Variants in C1GALT1 observed in about 807,000 individuals in gnomAD.
The protein encoded by C1GALT1 is glycoprotein-N-acetylgalactosamine 3-beta-galactosyltransferase 1.
Under a neutral mutation model 31.0 loss-of-function variants are expected in C1GALT1, and 11 were observed. The ratio of observed to expected loss-of-function variants is 0.36; its 90% confidence interval spans 0.22 to 0.59. The LOEUF is 0.59. Ranked by LOEUF, C1GALT1 falls within the 20% of genes least tolerant of loss-of-function variation. C1GALT1 has a pLI of 0.79. For missense variants in C1GALT1, 424 were observed against 425.2 expected, an observed-to-expected ratio of 1.00 and a Z score of 0.03; for synonymous variants, 175 against 143.6, an observed-to-expected ratio of 1.22 and a Z score of -1.56.
At chr7:7,227,270 C>T (rs1782808510) in intron 1 of C1GALT1, among the ~76,000 whole-genome samples, 1 of 152,168 alleles carries the variant, frequency 6.6e-6, no homozygotes, top group African/African-American at 2.4e-5. Flanking sequence ...CTCTAAAACT[C>T]ATGTTGAAAT....
chr7:7,193,143 T>C (rs1781145886), intron 1 of C1GALT1, among the ~76,000 whole-genome samples: 1 of 152,192 alleles, frequency 6.6e-6, no homozygotes. Flanking sequence ...GTGCAGAATC[T>C]TTTTAGTTTA....
chr7:7,218,513 T>C (rs958046699), intron 1 of C1GALT1, among the ~76,000 whole-genome samples: 1 of 152,058 alleles, frequency 6.6e-6, no homozygotes, highest in African/African-American at 2.4e-5. Flanking sequence ...TGGAGCAACG[T>C]AGAGATATTA....
At chr7:7,207,269 T>A (rs1005527949) in intron 1 of C1GALT1, among the ~76,000 whole-genome samples, 4 of 151,428 alleles carry the variant, frequency 2.6e-5, no homozygotes, top group African/African-American at 7.3e-5. Flanking sequence ...ATTGTACTTT[T>A]CGGCTTCAGA....
At chr7:7,158,450 G>A (rs1228745617) in intron 2 of C1GALT1, among the ~76,000 whole-genome samples, 2 of 152,046 alleles carry the variant, frequency 1.3e-5, no homozygotes, top group Non-Finnish European at 2.9e-5. Context: ...CACGTGGCCC[G>A]AGTCAGCTGT....
intron 1 of C1GALT1, among the ~76,000 whole-genome samples, chr7:7,200,048 T>C (rs1341694946): frequency 6.6e-6 from 1 of 152,254 alleles, no homozygotes; most frequent in African/African-American, 2.4e-5. Flanking sequence ...ACATTTAAAG[T>C]TAATACTGTT....
intron 3 of C1GALT1, among the ~76,000 whole-genome samples, chr7:7,239,653 T>C (rs1197041810): frequency 6.6e-6 from 1 of 152,178 alleles, no homozygotes; most frequent in Non-Finnish European, 1.5e-5. Flanking sequence ...AAGCCTTGGC[T>C]CACATTCCTG....
At chr7:7,226,682 G>A (rs998471320) in intron 1 of C1GALT1, among the ~76,000 whole-genome samples, 9 of 151,876 alleles carry the variant, frequency 5.9e-5, no homozygotes, top group East Asian at 1.9e-4. Context: ...ACCGATTAGC[G>A]CCATTAAAAA....
At chr7:7,162,873 T>C (rs58312172) in intron 2 of C1GALT1, among the ~76,000 whole-genome samples, 3,294 of 152,304 alleles carry the variant, frequency 0.022, 117 homozygotes, top group African/African-American at 0.075. Flanking sequence ...CCAGCGATGG[T>C]GAGCATTTTT....
At chr7:7,205,175 C>G (rs184650481) in intron 1 of C1GALT1, among the ~76,000 whole-genome samples, 153 of 152,084 alleles carry the variant, frequency 1.0e-3, no homozygotes, top group African/African-American at 3.5e-3. Context: ...TTGGTTCGTT[C>G]ATCTCAGTGG....
chr7:7,217,666 C>G (rs1406610144), intron 1 of C1GALT1, among the ~76,000 whole-genome samples: 1 of 152,114 alleles, frequency 6.6e-6, no homozygotes, highest in Non-Finnish European at 1.5e-5. Context: ...AGAAGCAGTT[C>G]TTTTGTTTTT....
Position 7,243,841 on chromosome 7 carries a change from C to T in C1GALT1, c.*114C>T, listed in dbSNP as rs146864914. The T allele has an allele frequency of 7.4e-4, 537 of 724,584 alleles. No individual in the cohort carries two copies. The highest frequency in any genetic ancestry group is 7.3e-3 in the African/African-American group (412 of 56,208). The allele number at this position is 724,584 out of a possible 1,614,324, so 44.9% of individuals were successfully genotyped here. Reference sequence around the variant, plus strand: ...AGTGAGGAATTCTAAGTGAACATTCCTTATAGAAACCTTTCACATGAATGA... The same window carrying T: ...AGTGAGGAATTCTAAGTGAACATTCTTTATAGAAACCTTTCACATGAATGA... On this transcript the variant is annotated 3_prime_UTR_variant, in exon 4 of 4. Transcript: ENST00000436587.
intron 1 of C1GALT1, among the ~76,000 whole-genome samples, chr7:7,199,045 G>T (rs191181730): frequency 1.2e-3 from 177 of 152,082 alleles, no homozygotes; most frequent in African/African-American, 4.0e-3. Context: ...CTTCAGTTCT[G>T]CTCTGACCTT....
intron 1 of C1GALT1, among the ~76,000 whole-genome samples, chr7:7,188,507 A>T (rs1299729830): frequency 6.6e-6 from 1 of 152,188 alleles, no homozygotes; most frequent in African/African-American, 2.4e-5. Context: ...TCTGTAGATA[A>T]AAATTGCCTC....
chr7:7,219,009 A>AT (rs370927244), intron 1 of C1GALT1, among the ~76,000 whole-genome samples: 4,089 of 149,794 alleles, frequency 0.027, 86 homozygotes, highest in Non-Finnish European at 0.037. Context: ...AATTTTTTGT[A>AT]TTTTTTTTTA....
At chr7:7,183,498 TA>T in intron 1 of C1GALT1, 3 of 808,386 alleles carry the variant, frequency 3.7e-6, no homozygotes, top group Non-Finnish European at 4.5e-6. Flanking sequence ...AGAAAGGCAT[TA>T]AATTTTTTTT....
chr7:7,198,842 C>G (rs1281300916), intron 1 of C1GALT1, among the ~76,000 whole-genome samples: 1 of 152,196 alleles, frequency 6.6e-6, no homozygotes, highest in Non-Finnish European at 1.5e-5. Context: ...ATAGTATTCT[C>G]TGATGGTAGT....
intron 1 of C1GALT1, among the ~76,000 whole-genome samples, chr7:7,209,083 C>G (rs1169418555): frequency 6.6e-6 from 1 of 152,196 alleles, no homozygotes; most frequent in Admixed American, 6.5e-5. Context: ...TTCTTCGTAT[C>G]TCACAACACA....
chr7:7,216,783 A>G (rs1299980930), intron 1 of C1GALT1, among the ~76,000 whole-genome samples: 1 of 152,220 alleles, frequency 6.6e-6, no homozygotes, highest in Non-Finnish European at 1.5e-5. Context: ...AAGACATTTT[A>G]CTGCTAACTT....
chr7:7,182,880 C>A (rs968493387), intron 1 of C1GALT1, 60 bp downstream of exon 1: 1 of 978,468 alleles, frequency 1.0e-6, no homozygotes. Flanking sequence ...CCCTCGCCCT[C>A]CCCCCTCTCC....
Sources: allele counts gnomAD v4.1 joint callset (sites outside exome capture counted in the v4.1 genomes callset), GRCh38; gene constraint gnomAD v4.1.1; transcripts MANE v1.5; gene names NCBI Gene and HGNC (gene_info 2026-07-23, HGNC 2026-07-21).